The following NBPF10 variants were observed in gnomAD, a reference collection of about 807,000 sequenced individuals.
NBPF10 encodes the protein NBPF member 10, also known as NBPF family member NBPF10.
A neutral mutation model predicts 77.9 loss-of-function variants in NBPF10; 63 were observed. The observed-to-expected ratio is 0.81, with a 90% CI of 0.66 to 1.00. The LOEUF (loss-of-function observed/expected upper bound fraction) is 1.00. Among genes scored for constraint, NBPF10 ranks in the 50% least tolerant of loss-of-function variants. The probability of loss-of-function intolerance (pLI) is 0.00; values close to 1 mark genes in which losing one functional copy is unlikely to be tolerated. For synonymous variants in NBPF10, 146 were observed against 264.5 expected (o/e 0.55, Z 4.35); for missense variants, 522 against 679.8 (o/e 0.77, Z 2.58).
In NBPF10 at chr1:146,067,776, G is replaced by A. The variant is rs1655308760; in HGVS notation, c.11035+227C>T. Among the ~76,000 whole-genome samples the A allele has an allele frequency of 2.6e-5, 4 of 151,568 alleles. No individual in the cohort carries two copies. In the South Asian group the frequency reaches 6.2e-4, roughly 24 times the overall value. ...TCCAATGTCATGAGAATAGGATCAG[G>A]GCGCCACAGGTATGGCCTGAGACTA... On this transcript the variant is annotated intron_variant, in intron 88 of 89. Coordinates refer to ENST00000583866, the Ensembl canonical transcript of NBPF10.
At chr1:146,068,095 C>A (rs1323142350) in exon 88 of NBPF10, 6 of 524,190 alleles carry the variant, frequency 1.1e-5, no homozygotes, top group South Asian at 3.9e-5. Flanking sequence ...TTCAAGATAA[C>A]CTGAAGGAGT....
intron 5 of NBPF10, among the ~76,000 whole-genome samples, chr1:146,139,424 C>T: frequency 6.6e-6 from 1 of 151,322 alleles, no homozygotes; most frequent in Admixed American, 6.6e-5. Flanking sequence ...TTATTAATAG[C>T]TAAGACAAGC....
At chr1:146,080,982 C>G (rs1269319921) in intron 71 of NBPF10, among the ~76,000 whole-genome samples, 24 of 79,144 alleles carry the variant, frequency 3.0e-4, no homozygotes, top group African/African-American at 6.0e-4. Context: ...TAGACACACA[C>G]ACACACACAC....
At chr1:146,139,280 T>G (rs1358550173) in intron 5 of NBPF10, among the ~76,000 whole-genome samples, 1 of 151,268 alleles carries the variant, frequency 6.6e-6, no homozygotes, top group Non-Finnish European at 1.5e-5. Flanking sequence ...TTTTTTTTTT[T>G]TTGTATTTTT....
At chr1:146,067,255 C>T (rs1553777949) in exon 89 of NBPF10, 2 of 576,646 alleles carry the variant, frequency 3.5e-6, no homozygotes, top group Non-Finnish European at 6.2e-6. Context: ...TCTTCTTCCC[C>T]TTCTTTTTTT....
intron 14 of NBPF10, among the ~76,000 whole-genome samples, chr1:146,125,747 C>A (rs587627922): frequency 7.2e-5 from 10 of 139,726 alleles, no homozygotes; most frequent in Non-Finnish European, 1.1e-4. Flanking sequence ...ATCCAAATAT[C>A]ATTTGTCCCA....
At chr1:146,141,215 C>A (rs1660248297) in intron 3 of NBPF10, among the ~76,000 whole-genome samples, 1 of 110,202 alleles carries the variant, frequency 9.1e-6, no homozygotes, top group African/African-American at 2.8e-5. Context: ...GAGAGAAACT[C>A]TGAAAAGATA....
intron 13 of NBPF10, 59 bp from the exon 14 acceptor site, chr1:146,126,467 C>T (rs1658680117): frequency 6.5e-6 from 5 of 772,730 alleles, no homozygotes; most frequent in South Asian, 1.4e-5. Flanking sequence ...CACACAGCCC[C>T]AGCTAGATTT....
At chr1:146,069,519 T>C (rs782363842) in intron 86 of NBPF10, 24 bp downstream of exon 86, 36 of 861,692 alleles carry the variant, frequency 4.2e-5, no homozygotes, top group Non-Finnish European at 6.5e-5. Flanking sequence ...TGGATCCTTA[T>C]CACCTTCATA....
intron 7 of NBPF10, among the ~76,000 whole-genome samples, chr1:146,136,057 G>A (rs1659671066): frequency 6.7e-6 from 1 of 148,456 alleles, no homozygotes. Context: ...ACACCATTTT[G>A]AGTATACTGA....
intron 71 of NBPF10, among the ~76,000 whole-genome samples, chr1:146,081,001 A>G (rs1172092873): frequency 5.0e-5 from 4 of 80,534 alleles, no homozygotes; most frequent in Non-Finnish European, 3.4e-5. Flanking sequence ...ACACACACAC[A>G]CACACACACA....
exon 88 of NBPF10, chr1:146,068,115 T>C (rs1553778567): frequency 2.0e-6 from 1 of 508,212 alleles, no homozygotes; most frequent in East Asian, 3.2e-5. Flanking sequence ...TCGAATAACA[T>C]CTATCCAGTG....
At chr1:146,121,993 C>G (rs1553788713) in intron 19 of NBPF10, among the ~76,000 whole-genome samples, 6 of 108,234 alleles carry the variant, frequency 5.5e-5, no homozygotes, top group Non-Finnish European at 9.3e-5. Flanking sequence ...AAACTGTGAT[C>G]ATGAAAAGAG....
intron 88 of NBPF10, among the ~76,000 whole-genome samples, 197 bp downstream of exon 88, chr1:146,067,806 G>C (rs5011763): frequency 6.6e-6 from 1 of 151,964 alleles, no homozygotes; most frequent in East Asian, 2.0e-4. Context: ...AGACTAGGAA[G>C]AGAGTCTTGC....
chr1:146,127,724 C>T, intron 12 of NBPF10, among the ~76,000 whole-genome samples: 1 of 43,484 alleles, frequency 2.3e-5, no homozygotes, highest in South Asian at 7.9e-4. Context: ...AGGTAAAGAA[C>T]CACACAGACA....
At position 146,067,842 on chromosome 1, in the gene NBPF10, T is replaced by C. The variant is rs200272374; in HGVS notation, c.11035+161A>G. 2.5e-4 allele frequency among the ~76,000 whole-genome samples: 38 copies of C among 151,996 alleles called. 2 individuals are homozygous for C. In the East Asian group the frequency reaches 7.1e-3, roughly 28 times the overall value. ...TCACTGAACCATTTCATGTCTAGGC[T>C]TCCAGCTGAGACTACAGTTTCATTA... On this transcript the variant is annotated intron_variant, in intron 88 of 89. Transcript: ENST00000583866.
chr1:146,085,962 A>T lies in NBPF10; in HGVS notation c.8159+202T>A, dbSNP rs1461136440. ...ATAGTTTTTGAAGTCTGGTCCACCT[A>T]CAGTAGGATAGTAAATGATAAGGGG... is the stretch of plus-strand genomic sequence containing the variant. On this transcript the variant is annotated intron_variant, in intron 65 of 89. Coordinates refer to ENST00000583866, the Ensembl canonical transcript of NBPF10. Among the ~76,000 whole-genome samples the T allele has an allele frequency of 2.2e-4, 4 of 18,276 alleles. 2 individuals are homozygous for T. The highest frequency in any genetic ancestry group is 4.2e-4 in the Non-Finnish European group (4 of 9,610). The allele number at this position is 18,276 out of a possible 152,430, so 12.0% of individuals were successfully genotyped here. A position where few individuals can be genotyped will look rare whatever the true frequency, so the allele number is the denominator to read the frequency against.
chr1:146,125,809 C>T (rs1479210929), intron 14 of NBPF10, among the ~76,000 whole-genome samples: 2 of 148,550 alleles, frequency 1.3e-5, no homozygotes, highest in Non-Finnish European at 3.0e-5. Context: ...AAAGCAAATG[C>T]CCCCAAATGG....
intron 80 of NBPF10, among the ~76,000 whole-genome samples, chr1:146,073,952 A>C (rs1655911529): frequency 1.0e-5 from 1 of 98,232 alleles, no homozygotes; most frequent in African/African-American, 2.8e-5. Flanking sequence ...AGAGTGAAGG[A>C]TGAAATCTCC....
Sources: gnomAD v4.1 joint callset for allele counts (sites outside exome capture counted in the v4.1 genomes callset) on GRCh38, gnomAD v4.1.1 for gene constraint, MANE v1.5 for transcripts, NCBI Gene and HGNC (gene_info 2026-07-23, HGNC 2026-07-21) for gene names.